GRM8: variants seen among roughly 807,000 people sequenced by gnomAD.
GRM8 encodes the protein metabotropic glutamate receptor 8.
In GRM8, 47 loss-of-function variants were observed where a neutral mutation model predicts 87.2. The observed-to-expected ratio is 0.54, with a 90% CI of 0.43 to 0.69. GRM8 has a LOEUF of 0.69. Among genes scored for constraint, GRM8 ranks in the 30% least tolerant of loss-of-function variants. The probability of loss-of-function intolerance (pLI) is 0.00; values close to 1 mark genes in which losing one functional copy is unlikely to be tolerated. For synonymous variants in GRM8, 396 were observed against 404.5 expected, an observed-to-expected ratio of 0.98 and a Z score of 0.25; for missense variants, 1,019 against 1,139.2, an observed-to-expected ratio of 0.89 and a Z score of 1.52.
chr7:126,982,529 G>C (rs545966342), intron 3 of GRM8, among the ~76,000 whole-genome samples: 1 of 152,162 alleles, frequency 6.6e-6, no homozygotes, highest in Admixed American at 6.5e-5. Flanking sequence ...AACTAGAAAC[G>C]CACCAATCCC....
intron 9 of GRM8, among the ~76,000 whole-genome samples, chr7:126,508,493 A>C (rs2150732159): frequency 6.6e-6 from 1 of 152,150 alleles, no homozygotes; most frequent in South Asian, 2.1e-4. Context: ...ACATCCCAAT[A>C]CTGTTACTTT....
chr7:127,040,840 C>T (rs1188577365), intron 3 of GRM8, among the ~76,000 whole-genome samples: 4 of 152,096 alleles, frequency 2.6e-5, no homozygotes, highest in East Asian at 3.8e-4. Context: ...CTTAAAGCTA[C>T]GAGCTGTCTA....
At chr7:127,007,762 G>A (rs1051409210) in intron 3 of GRM8, among the ~76,000 whole-genome samples, 2 of 151,886 alleles carry the variant, frequency 1.3e-5, no homozygotes, top group Non-Finnish European at 2.9e-5. Flanking sequence ...GATACACATA[G>A]CTGTTACTTA....
At chr7:126,590,508 C>A (rs1796578400) in intron 8 of GRM8, among the ~76,000 whole-genome samples, 1 of 152,004 alleles carries the variant, frequency 6.6e-6, no homozygotes, top group South Asian at 2.1e-4. Context: ...CATTCAAATA[C>A]AAGAAGCTCA....
chr7:126,981,266 G>A (rs925057898), intron 3 of GRM8: 1 of 152,244 alleles, frequency 6.6e-6, no homozygotes, highest in Non-Finnish European at 1.5e-5. Context: ...CCTCACCATT[G>A]ATTATGCCAA....
At chr7:126,606,341 C>T (rs547372978) in intron 8 of GRM8, among the ~76,000 whole-genome samples, 2 of 152,256 alleles carry the variant, frequency 1.3e-5, no homozygotes, top group Admixed American at 6.5e-5. Context: ...TCATAAGTAA[C>T]ATTTATAGAT....
At chr7:126,556,955 G>A (rs1793210420) in intron 8 of GRM8, among the ~76,000 whole-genome samples, 1 of 152,084 alleles carries the variant, frequency 6.6e-6, no homozygotes, top group African/African-American at 2.4e-5. Context: ...AAGAAATATG[G>A]ATATACTATT....
At chr7:126,585,340 A>G (rs1407044277) in intron 8 of GRM8, among the ~76,000 whole-genome samples, 2 of 152,126 alleles carry the variant, frequency 1.3e-5, no homozygotes, top group African/African-American at 4.8e-5. Context: ...ACATCTCCTA[A>G]TTTCCAGTTA....
chr7:127,237,446 C>T (rs934119015), intron 2 of GRM8, among the ~76,000 whole-genome samples: 1 of 152,176 alleles, frequency 6.6e-6, no homozygotes, highest in Non-Finnish European at 1.5e-5. Flanking sequence ...CAAAAAAATG[C>T]TTGGCTTTAT....
At chr7:127,026,690 G>GGGGTTGTTT (rs1816814039) in intron 3 of GRM8, among the ~76,000 whole-genome samples, 3 of 151,732 alleles carry the variant, frequency 2.0e-5, no homozygotes, top group Non-Finnish European at 4.4e-5. Context: ...ACTTTTTGAT[G>GGGGTTGTTT]GTTTTTTCTT....
intron 3 of GRM8, among the ~76,000 whole-genome samples, chr7:127,034,049 T>A (rs886860848): frequency 6.6e-6 from 1 of 152,194 alleles, no homozygotes; most frequent in Non-Finnish European, 1.5e-5. Flanking sequence ...TGTTTCTTTA[T>A]CCTGTTTATC....
intron 2 of GRM8, among the ~76,000 whole-genome samples, chr7:127,114,936 A>G (rs1409454484): frequency 6.6e-6 from 1 of 152,156 alleles, no homozygotes; most frequent in African/African-American, 2.4e-5. Context: ...TAGAGAAGGC[A>G]GTGGAAAGCC....
intron 6 of GRM8, among the ~76,000 whole-genome samples, chr7:126,886,079 T>G (rs1426956283): frequency 6.6e-6 from 1 of 152,144 alleles, no homozygotes; most frequent in African/African-American, 2.4e-5. Context: ...TCAGCTTAAG[T>G]GGCTTTGTTC....
chr7:126,805,347 T>C (rs918314300), intron 6 of GRM8, among the ~76,000 whole-genome samples: 1 of 152,244 alleles, frequency 6.6e-6, no homozygotes, highest in Non-Finnish European at 1.5e-5. Flanking sequence ...TGGAACTATT[T>C]AACATGTATG....
At chr7:127,247,229 C>A (rs1798626019) in intron 1 of GRM8, among the ~76,000 whole-genome samples, 2 of 152,148 alleles carry the variant, frequency 1.3e-5, no homozygotes, top group Non-Finnish European at 2.9e-5. Context: ...GGTCTCCTGG[C>A]CAGGTTGATG....
intron 3 of GRM8, among the ~76,000 whole-genome samples, chr7:127,086,064 A>G (rs944599957): frequency 6.6e-6 from 1 of 152,188 alleles, no homozygotes; most frequent in Non-Finnish European, 1.5e-5. Context: ...AAAGGCATTC[A>G]TGCCAGAGGA....
intron 3 of GRM8, among the ~76,000 whole-genome samples, chr7:127,041,008 T>C (rs1818382169): frequency 6.6e-6 from 1 of 152,264 alleles, no homozygotes; most frequent in Non-Finnish European, 1.5e-5. Context: ...GTTCAATTCA[T>C]GTTTGAGAAA....
chr7:126,834,668 T>C (rs1354069189), intron 6 of GRM8, among the ~76,000 whole-genome samples: 1 of 152,230 alleles, frequency 6.6e-6, no homozygotes, highest in African/African-American at 2.4e-5. Flanking sequence ...AAGGCTTTAA[T>C]AGATTTAACT....
chr7:126,747,057 G>A lies in GRM8; in HGVS notation c.1357+22808C>T, dbSNP rs535771599. ...ATTTTTTTCATGTTTAGGGCAAAGC[G>A]TTAGTCAAATGTATCATTGGTGCCC... On this transcript the variant is annotated intron_variant, in intron 7 of 10. Transcript: ENST00000339582. Among the ~76,000 whole-genome samples the A allele has an allele frequency of 5.9e-5, 9 of 151,830 alleles. No individual in the cohort carries two copies. In the South Asian group the frequency reaches 1.2e-3, roughly 21 times the overall value.
Sources: gnomAD v4.1 joint callset for allele counts (sites outside exome capture counted in the v4.1 genomes callset) on GRCh38, gnomAD v4.1.1 for gene constraint, MANE v1.5 for transcripts, NCBI Gene and HGNC (gene_info 2026-07-23, HGNC 2026-07-21) for gene names.